Variants in FLNB observed in about 807,000 individuals in gnomAD.
FLNB encodes filamin B.
In FLNB, 111 loss-of-function variants were observed where a neutral mutation model predicts 250.6. The ratio of observed to expected loss-of-function variants is 0.44; its 90% CI spans 0.38 to 0.52. FLNB has a LOEUF of 0.52. Ranked by LOEUF, FLNB falls within the 20% of genes least tolerant of loss-of-function variation. The pLI is 0.00. For missense variants in FLNB, 2,869 were observed against 3,447.8 expected (o/e 0.83, Z 4.20); for synonymous variants, 1,302 against 1,372.1 (o/e 0.95, Z 1.13).
At chr3:58,078,109 T>G (rs533131513) in intron 2 of FLNB, 1 of 215,330 alleles carries the variant, frequency 4.6e-6, no homozygotes, top group African/African-American at 2.3e-5. Context: ...GCTGAAGGCC[T>G]CATTCTTACT....
chr3:58,169,801 T>C lies in FLNB; in HGVS notation c.7621+8T>C. 1 of 1,573,522 alleles carries C rather than the reference T, an allele frequency of 6.4e-7. No individual in the cohort carries two copies. The highest frequency in any genetic ancestry group is 8.7e-7 in the Non-Finnish European group (1 of 1,150,220). ...TGGACTGCAGCAAAGCTGGTAGGTG[T>C]CTGGGCCTTTTCAAGGGTGGGGTGG... On this transcript the variant is annotated splice_region_variant and intron_variant, in intron 45 of 45. Coordinates refer to ENST00000295956, the MANE Select transcript of FLNB (RefSeq NM_001457.4). The surrounding 1 kb of genome is among the most constrained non-coding windows in gnomAD (Gnocchi z 4.8).
chr3:58,136,180 G>C lies in FLNB; in HGVS notation c.4861+12G>C. ...GTGCCTGGCCACGGGTGAGTACAGG[G>C]CATCTCAAGGTCAGGGGCACAGGCT... On this transcript the variant is annotated intron_variant, in intron 28 of 45. Transcript: ENST00000295956. 1 of 1,613,934 alleles carries C rather than the reference G, an allele frequency of 6.2e-7. No homozygotes were observed. Among genetic ancestry groups the C allele is most frequent in the Admixed American group, 1.7e-5 (1 of 60,022 alleles).
At position 58,109,684 on chromosome 3, in the gene FLNB, A is replaced by G; in HGVS notation, c.2308A>G (p.Thr770Ala). ...NEPTHFTVDC[T>A]EAGEGDVSVG... is the part of the protein sequence containing the mutation. ...ACCTACACACTTCACGGTGGACTGT[A>G]CTGAGGCTGGGGAAGGTGAGAAAGG... The change falls in exon 15 of 46, where the codon ACT (threonine) becomes GCT (alanine). Residue 770 changes from threonine to alanine, a missense_variant. By Grantham distance (58) the Thr-to-Ala change is moderately conservative. Transcript: ENST00000295956. The G allele has an allele frequency of 6.2e-7, 1 of 1,614,086 alleles. No homozygotes were observed. The highest frequency in any genetic ancestry group is 8.5e-7 in the Non-Finnish European group (1 of 1,179,992).
In FLNB at chr3:58,170,972, G is replaced by C. The variant is rs1484461709; in HGVS notation, c.*210G>C. 3 of 564,496 alleles carry C rather than the reference G, an allele frequency of 5.3e-6. No individual in the cohort carries two copies. In the African/African-American group the frequency reaches 5.6e-5, roughly 11 times the overall value. 35.0% of individuals were successfully genotyped at this position (564,496 alleles called of 1,614,324 possible). On this transcript the variant is annotated 3_prime_UTR_variant, in exon 46 of 46. Coordinates refer to ENST00000295956, the MANE Select transcript of FLNB (RefSeq NM_001457.4). ...CTTAAGAAATGCAAGCTTGTTCAGGGGGCTGAGAAGATCCTGAGTACACTA... is the reference window on the plus strand; with the variant it reads ...CTTAAGAAATGCAAGCTTGTTCAGGCGGCTGAGAAGATCCTGAGTACACTA...
At chr3:58,069,836 T>G (rs187628977) in intron 1 of FLNB, among the ~76,000 whole-genome samples, 1 of 152,272 alleles carries the variant, frequency 6.6e-6, no homozygotes, top group East Asian at 1.9e-4. Context: ...AAATTGAACA[T>G]TTCAACCACC....
intron 25 of FLNB, among the ~76,000 whole-genome samples, chr3:58,131,669 C>T (rs939356390): frequency 1.3e-5 from 2 of 152,208 alleles, no homozygotes; most frequent in Non-Finnish European, 2.9e-5. Flanking sequence ...TGAAGAGGAA[C>T]CTTCTCCTTC....
intron 4 of FLNB, among the ~76,000 whole-genome samples, chr3:58,087,197 A>G (rs1464584711): frequency 6.6e-6 from 1 of 152,246 alleles, no homozygotes; most frequent in Non-Finnish European, 1.5e-5. Context: ...AGATAATTGA[A>G]AATTTGAACA....
intron 18 of FLNB, among the ~76,000 whole-genome samples, chr3:58,117,417 C>T (rs533359841): frequency 6.6e-6 from 1 of 152,180 alleles, no homozygotes; most frequent in Non-Finnish European, 1.5e-5. Flanking sequence ...GTTTTTCCCT[C>T]TCTTTTTTAG....
intron 25 of FLNB, chr3:58,132,526 A>T (rs2107211029): frequency 1.9e-6 from 1 of 515,922 alleles, no homozygotes; most frequent in East Asian, 3.9e-5. Context: ...TACACCCTCC[A>T]GCAGCAAGCA....
chr3:58,169,818 G>A lies in FLNB; in HGVS notation c.7621+25G>A, dbSNP rs1217400852. 1.3e-6 allele frequency: 2 copies of A among 1,504,156 alleles called. No individual in the cohort carries two copies. Among genetic ancestry groups the A allele is most frequent in the African/African-American group, 1.4e-5 (1 of 72,564 alleles). 93.2% of individuals were successfully genotyped at this position (1,504,156 alleles called of 1,614,324 possible). On this transcript the variant is annotated intron_variant, in intron 45 of 45. Coordinates refer to ENST00000295956, the MANE Select transcript of FLNB (RefSeq NM_001457.4). This position sits in a 1 kb window ranked among gnomAD's most constrained non-coding sequence, Gnocchi z 4.8. ...GGTAGGTGTCTGGGCCTTTTCAAGG[G>A]TGGGGTGGGGCAGGGGCAGGCTGGG... is the stretch of plus-strand genomic sequence containing the variant.
chr3:58,058,587 C>T (rs1420551648), intron 1 of FLNB, among the ~76,000 whole-genome samples: 1 of 152,156 alleles, frequency 6.6e-6, no homozygotes, highest in Non-Finnish European at 1.5e-5. Flanking sequence ...TTGGTTGTCG[C>T]CTGAATTTCA....
intron 1 of FLNB, among the ~76,000 whole-genome samples, chr3:58,045,463 C>T (rs2097152383): frequency 6.6e-6 from 1 of 151,726 alleles, no homozygotes; most frequent in South Asian, 2.1e-4. Context: ...TTATGAGATC[C>T]TTTCGCATTT....
chr3:58,058,208 A>G (rs1055601112), intron 1 of FLNB, among the ~76,000 whole-genome samples: 1 of 152,180 alleles, frequency 6.6e-6, no homozygotes, highest in Non-Finnish European at 1.5e-5. Flanking sequence ...GTTATTACAG[A>G]AATAGTTTTT....
At chr3:58,110,336 C>T (rs1211480937) in intron 16 of FLNB, among the ~76,000 whole-genome samples, 166 bp downstream of exon 16, 5 of 152,202 alleles carry the variant, frequency 3.3e-5, no homozygotes, top group African/African-American at 9.7e-5. Context: ...GATCTTGGCT[C>T]ACTGCAACCT....
At position 58,033,651 on chromosome 3, in the gene FLNB, A is replaced by G. The variant is rs552303206; in HGVS notation, c.292+24795A>G. Among the ~76,000 whole-genome samples, 10 of 152,098 alleles carry G rather than the reference A, an allele frequency of 6.6e-5. No individual in the cohort carries two copies. In the South Asian group the frequency reaches 1.9e-3, roughly 28 times the overall value. ...AGGTGATCACCCGCCTTGGCCTCCC[A>G]AAGTGCTAGGATCACAGGCATGAGC... On this transcript the variant is annotated intron_variant, in intron 1 of 45. Coordinates refer to ENST00000295956, the MANE Select transcript of FLNB (RefSeq NM_001457.4).
chr3:58,051,372 C>T (rs533265136), intron 1 of FLNB, among the ~76,000 whole-genome samples: 15 of 152,286 alleles, frequency 9.8e-5, no homozygotes, highest in African/African-American at 3.1e-4. Context: ...ACAAGTGGCC[C>T]GCATGTCTGC....
chr3:58,123,789 C>T (rs1033472201), intron 21 of FLNB, 99 bp downstream of exon 21: 14 of 1,010,024 alleles, frequency 1.4e-5, no homozygotes, highest in Non-Finnish European at 2.1e-5. Flanking sequence ...CCTGCAGGAG[C>T]CAGGTGACAT....
Position 58,143,483 on chromosome 3 carries a change from C to T in FLNB, c.5295C>T (p.His1765=). The T allele has an allele frequency of 6.2e-7, 1 of 1,614,202 alleles. No homozygotes were observed. The highest frequency in any genetic ancestry group is 8.5e-7 in the Non-Finnish European group (1 of 1,180,028). ...CTCTGTGCTCCATAGGAGAGGTCCA[C>T]ATGCCTTCTGGGAAGACAGCCACAC... The part of the protein sequence containing the change: ...VRKGEITGEV[H]MPSGKTATPE... Residue 1765 remains histidine, a synonymous_variant, in exon 32 of 46, where the codon CAC becomes CAT. Transcript: ENST00000295956.
intron 12 of FLNB, among the ~76,000 whole-genome samples, chr3:58,108,110 G>GAACAAA (rs1215380834): frequency 6.6e-6 from 1 of 151,516 alleles, no homozygotes; most frequent in Admixed American, 6.6e-5. Context: ...GATAGCCGAT[G>GAACAAA]AACAAAAACA....
Sources: gnomAD v4.1 joint callset for allele counts (sites outside exome capture counted in the v4.1 genomes callset) on GRCh38, gnomAD v4.1.1 for gene constraint, Gnocchi (gnomAD v3.1) non-coding constraint, MANE v1.5 for transcripts, NCBI Gene and HGNC (gene_info 2026-07-23, HGNC 2026-07-21) for gene names.